HTR3B: variants seen among roughly 807,000 people sequenced by gnomAD.
HTR3B encodes 5-hydroxytryptamine receptor 3B, also known as 5-hydroxytryptamine (serotonin) receptor 3B, ionotropic.
HTR3B carries 44 observed loss-of-function variants against 42.8 expected under a neutral mutation model. The ratio of observed to expected loss-of-function variants is 1.03; its 90% CI spans 0.81 to 1.32. The LOEUF is 1.32. Ranked by LOEUF, HTR3B falls within the 40% of genes most tolerant of loss-of-function variation. HTR3B has a pLI of 0.00. For missense variants in HTR3B, 527 were observed against 536.5 expected (o/e 0.98, Z 0.17); for synonymous variants, 203 against 209.0 (o/e 0.97, Z 0.25).
chr11:113,923,073 T>C (rs750083792), intron 2 of HTR3B, among the ~76,000 whole-genome samples: 1 of 152,214 alleles, frequency 6.6e-6, no homozygotes, highest in Non-Finnish European at 1.5e-5. Context: ...TCTTTACAAA[T>C]GGCTACTCTA....
At position 113,944,854 on chromosome 11, in the gene HTR3B, A is replaced by G; in HGVS notation, c.1090+99A>G. On this transcript the variant is annotated intron_variant, in intron 8 of 8. Coordinates refer to ENST00000260191, the MANE Select transcript of HTR3B (RefSeq NM_006028.5). ...CTAGGTATTGCGTTGGCCTATGTGA[A>G]AAACCTACAACAACTGCTTCTTAGC... is the stretch of plus-strand genomic sequence containing the variant. The G allele has an allele frequency of 1.8e-6, 2 of 1,105,956 alleles. 1 individual carries two copies. Among genetic ancestry groups the G allele is most frequent in the East Asian group, 4.9e-5 (2 of 40,816 alleles). 68.5% of individuals were successfully genotyped at this position (1,105,956 alleles called of 1,614,324 possible).
intron 2 of HTR3B, 77 bp downstream of exon 2, chr11:113,909,532 G>A (rs1949766212): frequency 8.3e-7 from 1 of 1,203,702 alleles, no homozygotes; most frequent in East Asian, 2.4e-5. Context: ...GAGCCTATGA[G>A]AGGTTATATT....
Position 113,909,338 on chromosome 11 carries a change from G to A in HTR3B, c.96G>A (p.Leu32=). 1 of 1,613,254 alleles carries A rather than the reference G, an allele frequency of 6.2e-7. No homozygotes were observed. The highest frequency in any genetic ancestry group is 1.1e-5 in the South Asian group (1 of 91,046). Residue 32 remains leucine (L), a synonymous_variant, in exon 2 of 9, where the codon CTG becomes CTA. Transcript: ENST00000260191. ...CACATCATCCCCAGGATTCTGCTCT[G>A]TATCATCTCAGCAAGCAGCTATTAC... ...TDTHHPQDSA[L]YHLSKQLLQK...
At chr11:113,929,431 G>T (rs943199706) in intron 2 of HTR3B, among the ~76,000 whole-genome samples, 1 of 151,930 alleles carries the variant, frequency 6.6e-6, no homozygotes, top group African/African-American at 2.4e-5. Context: ...ACTTTCAGAT[G>T]GTCACCTTTT....
chr11:113,911,087 A>G (rs1949788285), intron 2 of HTR3B, among the ~76,000 whole-genome samples: 1 of 152,006 alleles, frequency 6.6e-6, no homozygotes, highest in African/African-American at 2.4e-5. Flanking sequence ...CAGCCTCCCA[A>G]AGTGCTGGGA....
intron 1 of HTR3B, among the ~76,000 whole-genome samples, chr11:113,905,667 T>G (rs897368687): frequency 6.6e-6 from 1 of 152,200 alleles, no homozygotes. Context: ...TAGGATACAA[T>G]TGATTCTTAG....
chr11:113,921,953 C>G (rs1389093810), intron 2 of HTR3B, among the ~76,000 whole-genome samples: 1 of 152,110 alleles, frequency 6.6e-6, no homozygotes, highest in Non-Finnish European at 1.5e-5. Context: ...TATTCTGTCC[C>G]TCTAGTTTTA....
intron 2 of HTR3B, among the ~76,000 whole-genome samples, chr11:113,930,393 T>C (rs1950021690): frequency 2.0e-5 from 3 of 152,098 alleles, no homozygotes; most frequent in Admixed American, 6.5e-5. Flanking sequence ...GATATCCCTT[T>C]TTAAAAAATT....
Position 113,933,063 on chromosome 11 carries a change from C to T in HTR3B, c.666C>T (p.Ser222=), listed in dbSNP as rs749275088. ...CCACATACAGCATCCTGCAGAGCAG[C>T]GCTGGAGGATTTGCACAGATTCAGT... ...VSSTYSILQS[S]AGGFAQIQFN... The change falls in exon 6 of 9, where the codon AGC becomes AGT. Residue 222 remains serine (S), a synonymous_variant. Transcript: ENST00000260191. 18 of 1,613,946 alleles carry T rather than the reference C, an allele frequency of 1.1e-5. No individual in the cohort carries two copies. Among genetic ancestry groups the T allele is most frequent in the Admixed American group, 8.3e-5 (5 of 59,978 alleles).
intron 2 of HTR3B, among the ~76,000 whole-genome samples, chr11:113,921,771 G>C (rs982300972): frequency 6.6e-6 from 1 of 152,136 alleles, no homozygotes; most frequent in African/African-American, 2.4e-5. Flanking sequence ...CCTGACAAAA[G>C]AAAGTAAAAT....
intron 6 of HTR3B, among the ~76,000 whole-genome samples, chr11:113,936,125 A>T (rs886109640): frequency 6.6e-6 from 1 of 152,082 alleles, no homozygotes; most frequent in East Asian, 1.9e-4. Flanking sequence ...TTCCTCCAAT[A>T]TATTATTGGA....
At chr11:113,922,017 C>G (rs905592342) in intron 2 of HTR3B, among the ~76,000 whole-genome samples, 2 of 152,148 alleles carry the variant, frequency 1.3e-5, no homozygotes, top group African/African-American at 4.8e-5. Flanking sequence ...CAACAATGAG[C>G]CTGGACCCAT....
chr11:113,948,732 A>G lies in HTR3B; in HGVS notation c.*2595A>G, dbSNP rs1950197759. The stretch of plus-strand genomic sequence containing the variant: ...TACAAAATTAGCCAGGCGTGGTGGC[A>G]CATGCCTGTAATCCCACCTACTCGG... On this transcript the variant is annotated 3_prime_UTR_variant, in exon 9 of 9. Transcript: ENST00000260191. 6.6e-6 allele frequency among the ~76,000 whole-genome samples: 1 copy of G among 152,136 alleles called. No individual in the cohort carries two copies. The highest frequency in any genetic ancestry group is 2.1e-4 in the South Asian group (1 of 4,828).
chr11:113,919,600 AG>A (rs1949892046), intron 2 of HTR3B, among the ~76,000 whole-genome samples: 1 of 152,108 alleles, frequency 6.6e-6, no homozygotes, highest in African/African-American at 2.4e-5. Context: ...AGGCCGAGGC[AG>A]GTGGATCACC....
intron 6 of HTR3B, among the ~76,000 whole-genome samples, chr11:113,938,408 T>C (rs1049837275): frequency 2.0e-5 from 3 of 152,100 alleles, no homozygotes; most frequent in Admixed American, 1.3e-4. Context: ...GTTTAAATGA[T>C]CTAAAGCAGG....
At chr11:113,909,012 G>T in intron 1 of HTR3B, 1 of 538,038 alleles carries the variant, frequency 1.9e-6, no homozygotes, top group South Asian at 3.0e-5. Flanking sequence ...TCTCCAAAAT[G>T]CAAGATTGTT....
chr11:113,928,817 G>A (rs989461509), intron 2 of HTR3B, among the ~76,000 whole-genome samples: 12 of 152,284 alleles, frequency 7.9e-5, no homozygotes, highest in East Asian at 7.7e-4. Flanking sequence ...GATTACAGGC[G>A]TGAGCCACCG....
intron 5 of HTR3B, 72 bp downstream of exon 5, chr11:113,932,530 G>T: frequency 8.1e-7 from 1 of 1,232,368 alleles, no homozygotes; most frequent in Non-Finnish European, 1.1e-6. Context: ...CTATCCTTCA[G>T]GTCTATTTTA....
intron 2 of HTR3B, among the ~76,000 whole-genome samples, chr11:113,911,866 C>G (rs145945277): frequency 6.6e-6 from 1 of 152,060 alleles, no homozygotes; most frequent in Admixed American, 6.6e-5. Flanking sequence ...CAAAGATCCC[C>G]GAAAAGGTCC....
Sources: allele counts gnomAD v4.1 joint callset (sites outside exome capture counted in the v4.1 genomes callset), GRCh38; gene constraint gnomAD v4.1.1; transcripts MANE v1.5; gene names NCBI Gene and HGNC (gene_info 2026-07-23, HGNC 2026-07-21).